Variants in DPEP1 observed in about 807,000 individuals in gnomAD.
The protein encoded by DPEP1 is beta-lactamase.
DPEP1 carries 50 observed loss-of-function variants against 42.3 expected under a neutral mutation model. The ratio of observed to expected loss-of-function variants is 1.18; its 90% CI spans 0.94 to 1.50. DPEP1 has a LOEUF of 1.50. Among genes scored for constraint, DPEP1 ranks in the 40% most tolerant of loss-of-function variants. DPEP1 has a pLI of 0.00. For missense variants in DPEP1, 663 were observed against 553.0 expected, an observed-to-expected ratio of 1.20 and a Z score of -1.99; for synonymous variants, 297 against 234.0, an observed-to-expected ratio of 1.27 and a Z score of -2.46.
At position 89,637,983 on chromosome 16, in the gene DPEP1, G is replaced by T; in HGVS notation, c.1065+12G>T. ...AGGCTGTGGAACAGGTGAGGATGGGGTGGCCACCTGAGTCTCCCCCACCAC... is the reference window on the plus strand; with the variant it reads ...AGGCTGTGGAACAGGTGAGGATGGGTTGGCCACCTGAGTCTCCCCCACCAC... On this transcript the variant is annotated intron_variant, in intron 10 of 10. Transcript: ENST00000690203. 6.2e-7 allele frequency: 1 copy of T among 1,607,404 alleles called. No individual in the cohort carries two copies. Among genetic ancestry groups the T allele is most frequent in the East Asian group, 2.2e-5 (1 of 44,614 alleles).
At chr16:89,624,797 A>C (rs990636669) in intron 1 of DPEP1, among the ~76,000 whole-genome samples, 26 of 152,088 alleles carry the variant, frequency 1.7e-4, no homozygotes, top group African/African-American at 6.3e-4. Context: ...ACTCTCCCAA[A>C]GTGCTGGGAT....
chr16:89,616,443 G>A (rs1007461523), intron 1 of DPEP1, among the ~76,000 whole-genome samples: 5 of 152,160 alleles, frequency 3.3e-5, no homozygotes, highest in East Asian at 1.9e-4. Flanking sequence ...TGCCGGGAGG[G>A]GTCCTTGGAT....
chr16:89,615,675 C>G (rs902044059), intron 1 of DPEP1, among the ~76,000 whole-genome samples: 1 of 152,214 alleles, frequency 6.6e-6, no homozygotes, highest in Non-Finnish European at 1.5e-5. Flanking sequence ...AGGACCCCGC[C>G]TTGCAGGACC....
At position 89,635,981 on chromosome 16, in the gene DPEP1, A is replaced by T; in HGVS notation, c.178A>T (p.Thr60Ser). The change falls in exon 3 of 11, where the codon ACC (threonine) becomes TCC (serine). Residue 60 changes from threonine to serine, a missense_variant. By Grantham distance (58) the Thr-to-Ser change is moderately conservative. Transcript: ENST00000690203. Reference protein sequence around the residue: ...RLQDERANLTTLAGTHTNIPK... With the variant: ...RLQDERANLTSLAGTHTNIPK... Reference sequence around the variant, plus strand: ...GCAGGACGAGAGGGCCAACCTGACCACCTTGGCCGGCACACACACCAACAT... The same window carrying T: ...GCAGGACGAGAGGGCCAACCTGACCTCCTTGGCCGGCACACACACCAACAT... 1 of 1,612,092 alleles carries T rather than the reference A, an allele frequency of 6.2e-7. No individual in the cohort carries two copies. Among genetic ancestry groups the T allele is most frequent in the South Asian group, 1.1e-5 (1 of 91,030 alleles).
chr16:89,637,594 G>A lies in DPEP1; in HGVS notation c.854-38G>A, dbSNP rs765594294. 12 of 1,612,682 alleles carry A rather than the reference G, an allele frequency of 7.4e-6. No individual in the cohort carries two copies. In the South Asian group the frequency reaches 7.7e-5, roughly 10 times the overall value. On this transcript the variant is annotated intron_variant, in intron 8 of 10. Transcript: ENST00000690203. ...CGGCCAAGGGGGCCGAAGGGGGAGG[G>A]CCTCACTCGGGACCCATACCTGCTG... is the stretch of plus-strand genomic sequence containing the variant.
At chr16:89,631,748 T>C (rs2059591835) in intron 2 of DPEP1, among the ~76,000 whole-genome samples, 1 of 151,946 alleles carries the variant, frequency 6.6e-6, no homozygotes, top group African/African-American at 2.4e-5. Flanking sequence ...TCCCAGATAC[T>C]CAGGAGGCTG....
At chr16:89,623,173 G>A (rs1261470883) in intron 1 of DPEP1, among the ~76,000 whole-genome samples, 2 of 152,026 alleles carry the variant, frequency 1.3e-5, no homozygotes, top group African/African-American at 2.4e-5. Flanking sequence ...GGGCGTGGTG[G>A]CAGTTGCTTT....
chr16:89,614,952 C>T (rs1307261019), intron 1 of DPEP1, among the ~76,000 whole-genome samples: 1 of 152,164 alleles, frequency 6.6e-6, no homozygotes, highest in African/African-American at 2.4e-5. Context: ...CGGCCAATGG[C>T]TCTTACACAG....
At chr16:89,636,786 A>AGGCC in intron 5 of DPEP1, 80 bp from the exon 6 acceptor site, 1 of 1,602,364 alleles carries the variant, frequency 6.2e-7, no homozygotes. Flanking sequence ...TGTGAGTCCC[A>AGGCC]GGCCGGGCCT....
At chr16:89,634,484 C>T (rs1174951290) in intron 2 of DPEP1, among the ~76,000 whole-genome samples, 2 of 152,108 alleles carry the variant, frequency 1.3e-5, no homozygotes, top group Non-Finnish European at 2.9e-5. Context: ...GATCCTCACT[C>T]AGCCACCAGC....
intron 1 of DPEP1, among the ~76,000 whole-genome samples, chr16:89,616,042 C>T (rs1200443206): frequency 2.0e-5 from 3 of 151,678 alleles, no homozygotes; most frequent in Non-Finnish European, 2.9e-5. Context: ...CACTGCACTC[C>T]AGCCTGGGTG....
At chr16:89,624,467 G>A (rs2059482226) in intron 1 of DPEP1, among the ~76,000 whole-genome samples, 1 of 152,120 alleles carries the variant, frequency 6.6e-6, no homozygotes, top group Non-Finnish European at 1.5e-5. Flanking sequence ...AGCGAAAGCA[G>A]GGATTTATTA....
At chr16:89,614,298 C>T (rs964219532) in intron 1 of DPEP1, among the ~76,000 whole-genome samples, 6 of 152,154 alleles carry the variant, frequency 3.9e-5, no homozygotes, top group Non-Finnish European at 7.4e-5. Flanking sequence ...CCAGTGCGGT[C>T]CTAGGCACCC....
intron 7 of DPEP1, 21 bp downstream of exon 7, chr16:89,637,401 C>A (rs893097466): frequency 3.7e-6 from 6 of 1,612,272 alleles, no homozygotes; most frequent in Non-Finnish European, 5.1e-6. Context: ...AGGGGGCGAC[C>A]TCCACCCCGC....
At chr16:89,641,166 C>T (rs950589235), downstream of DPEP1, among the ~76,000 whole-genome samples, 5 of 152,212 alleles carry the variant, frequency 3.3e-5, no homozygotes, top group South Asian at 2.1e-4. Context: ...GGACTGGGAG[C>T]GTGACCGCTG....
At chr16:89,623,981 C>T (rs1431770080) in intron 1 of DPEP1, among the ~76,000 whole-genome samples, 2 of 152,134 alleles carry the variant, frequency 1.3e-5, no homozygotes, top group Non-Finnish European at 2.9e-5. Context: ...CCACACACAG[C>T]CGGGCCCATC....
Position 89,630,414 on chromosome 16 carries a change from T to C in DPEP1, c.4T>C (p.Trp2Arg). 1 of 1,608,594 alleles carries C rather than the reference T, an allele frequency of 6.2e-7. No individual in the cohort carries two copies. The highest frequency in any genetic ancestry group is 8.5e-7 in the Non-Finnish European group (1 of 1,177,188). The change falls in exon 2 of 11, where the codon TGG becomes CGG. Residue 2 changes from tryptophan (W) to arginine (R), a missense_variant. Trp to Arg is a moderately radical substitution (Grantham distance 101). Coordinates refer to ENST00000690203, the MANE Select transcript of DPEP1 (RefSeq NM_001389466.1). M[W>R]SGWWLWPLVA... ...ACAGGTCCCCGGGGACCCCACCATG[T>C]GGAGCGGATGGTGGCTGTGGCCCCT...
At position 89,618,408 on chromosome 16, in the gene DPEP1, G is replaced by C. The variant is rs959633574; in HGVS notation, c.-107+4689G>C. On this transcript the variant is annotated intron_variant, in intron 1 of 10. Transcript: ENST00000690203. The stretch of plus-strand genomic sequence containing the variant: ...ATTTTTATATTTTTTGTAGAGATGG[G>C]GGTCTCCCTATGTTTCCCAGGCTGG... 9.9e-5 allele frequency among the ~76,000 whole-genome samples: 15 copies of C among 152,212 alleles called. 2 individuals are homozygous for C. The highest frequency in any genetic ancestry group is 7.2e-4 in the Admixed American group (11 of 15,282).
In DPEP1 at chr16:89,628,252, C is replaced by T. The variant is rs1364633890; in HGVS notation, c.-106-2053C>T. ...AGGTATTTCTTTCTTTCTTTCTTTT[C>T]TTTCTTTTTTTTTTTTTTTTGTGAG... On this transcript the variant is annotated intron_variant, in intron 1 of 10. Transcript: ENST00000690203. 3.0e-3 allele frequency among the ~76,000 whole-genome samples: 223 copies of T among 75,498 alleles called. 2 individuals carry two copies. Among genetic ancestry groups the T allele is most frequent in the African/African-American group, 0.016 (214 of 13,240 alleles). 49.5% of individuals were successfully genotyped at this position (75,498 alleles called of 152,430 possible). A position where few individuals can be genotyped will look rare whatever the true frequency, so the allele number is the denominator to read the frequency against.
Sources: allele counts gnomAD v4.1 joint callset (sites outside exome capture counted in the v4.1 genomes callset), GRCh38; gene constraint gnomAD v4.1.1; transcripts MANE v1.5; gene names NCBI Gene and HGNC (gene_info 2026-07-23, HGNC 2026-07-21).